Variants in FA2H observed in about 807,000 individuals in gnomAD.
FA2H encodes the protein fatty acid alpha-hydroxylase.
Under a neutral mutation model 44.9 loss-of-function variants are expected in FA2H, and 22 were observed. The observed-to-expected ratio is 0.49, with a 90% CI of 0.35 to 0.70. The LOEUF (loss-of-function observed/expected upper bound fraction) is 0.70. Among genes scored for constraint, FA2H ranks in the 30% least tolerant of loss-of-function variants. FA2H has a pLI of 0.01. For missense variants in FA2H, 501 were observed against 504.9 expected, an observed-to-expected ratio of 0.99 and a Z score of 0.07; for synonymous variants, 243 against 213.2, an observed-to-expected ratio of 1.14 and a Z score of -1.22.
chr16:74,730,618 T>C (rs981676265), intron 2 of FA2H, among the ~76,000 whole-genome samples: 2 of 152,154 alleles, frequency 1.3e-5, no homozygotes, highest in African/African-American at 4.8e-5. Context: ...AGGAACCAGC[T>C]GGTGGCCTGT....
intron 1 of FA2H, among the ~76,000 whole-genome samples, chr16:74,748,133 T>A (rs1364853925): frequency 1.3e-5 from 2 of 152,128 alleles, no homozygotes; most frequent in African/African-American, 4.8e-5. Flanking sequence ...ATAGGTCCGT[T>A]CCTAGCCCAC....
chr16:74,755,924 C>G lies in FA2H; in HGVS notation c.271-15809G>C, dbSNP rs550762647. ...GGTATAGTCTGACAACGATATGCCT[C>G]CTTACAGCCAATGCCCAAATCAAGA... On this transcript the variant is annotated intron_variant, in intron 1 of 6. Coordinates refer to ENST00000219368, the MANE Select transcript of FA2H (RefSeq NM_024306.5). 1.0e-3 allele frequency among the ~76,000 whole-genome samples: 158 copies of G among 152,320 alleles called. 1 individual carries two copies. In the Middle Eastern group the frequency reaches 0.024, roughly 23 times the overall value.
chr16:74,751,252 G>C (rs946694028), intron 1 of FA2H, among the ~76,000 whole-genome samples: 1 of 151,874 alleles, frequency 6.6e-6, no homozygotes, highest in African/African-American at 2.4e-5. Flanking sequence ...GCACCACCAT[G>C]CCTGACTAAT....
intron 1 of FA2H, among the ~76,000 whole-genome samples, chr16:74,771,854 T>G (rs539045712): frequency 6.6e-6 from 1 of 152,072 alleles, no homozygotes; most frequent in African/African-American, 2.4e-5. Flanking sequence ...TCACACCCAC[T>G]TAGGCTGTCT....
At chr16:74,752,404 C>T (rs1165268443) in intron 1 of FA2H, among the ~76,000 whole-genome samples, 1 of 152,206 alleles carries the variant, frequency 6.6e-6, no homozygotes, top group Non-Finnish European at 1.5e-5. Context: ...CCTCCTTCCA[C>T]TTCAGCCCCC....
rs991873816 is a variant in FA2H, at chr16:74,758,109, A to T, written c.270+16377T>A. On this transcript the variant is annotated intron_variant, in intron 1 of 6. Coordinates refer to ENST00000219368, the MANE Select transcript of FA2H (RefSeq NM_024306.5). ...TTATAGAGGGACTAGAGTGAGAGGG[A>T]AACAATTCTTTTTTTTTTTTTTTTT... Among the ~76,000 whole-genome samples, 87 of 146,200 alleles carry T rather than the reference A, an allele frequency of 6.0e-4. 1 individual carries two copies. Among genetic ancestry groups the T allele is most frequent in the African/African-American group, 2.2e-3 (86 of 39,060 alleles).
At chr16:74,764,677 A>T (rs1343675187) in intron 1 of FA2H, among the ~76,000 whole-genome samples, 1 of 152,014 alleles carries the variant, frequency 6.6e-6, no homozygotes, top group East Asian at 1.9e-4. Context: ...CCATGACATG[A>T]GTTTACCTAT....
At chr16:74,744,379 C>G (rs772409923) in intron 1 of FA2H, among the ~76,000 whole-genome samples, 42 of 150,762 alleles carry the variant, frequency 2.8e-4, no homozygotes, top group Non-Finnish European at 5.5e-4. Flanking sequence ...CTTTAAAAAC[C>G]AAAAAGTGCC....
At chr16:74,744,099 A>G (rs1036488719) in intron 1 of FA2H, among the ~76,000 whole-genome samples, 2 of 152,184 alleles carry the variant, frequency 1.3e-5, no homozygotes, top group African/African-American at 4.8e-5. Flanking sequence ...TGCCAGGAGC[A>G]GCTGTGCCGC....
intron 1 of FA2H, among the ~76,000 whole-genome samples, chr16:74,758,961 A>G (rs11640870): frequency 1.3e-5 from 2 of 151,842 alleles, no homozygotes; most frequent in African/African-American, 4.8e-5. Flanking sequence ...CCTACAAACT[A>G]TGCTCTCATC....
intron 1 of FA2H, among the ~76,000 whole-genome samples, chr16:74,753,769 G>A (rs930619514): frequency 3.3e-5 from 5 of 152,120 alleles, no homozygotes; most frequent in Non-Finnish European, 5.9e-5. Flanking sequence ...TATCCTTCTA[G>A]GACAATGGGT....
intron 1 of FA2H, among the ~76,000 whole-genome samples, chr16:74,761,140 A>G (rs1962700131): frequency 6.6e-6 from 1 of 152,166 alleles, no homozygotes; most frequent in Non-Finnish European, 1.5e-5. Context: ...AAAAAAGTCT[A>G]TGGAAAAATA....
intron 2 of FA2H, among the ~76,000 whole-genome samples, chr16:74,732,805 G>A (rs1399881275): frequency 6.6e-6 from 1 of 152,178 alleles, no homozygotes; most frequent in Non-Finnish European, 1.5e-5. Context: ...TAAGCTATAA[G>A]CAGGGACTTC....
intron 1 of FA2H, among the ~76,000 whole-genome samples, chr16:74,745,673 C>T (rs764178355): frequency 1.3e-5 from 2 of 152,186 alleles, no homozygotes; most frequent in Non-Finnish European, 2.9e-5. Flanking sequence ...AGGAGAGAAG[C>T]CTTTGAGACA....
At chr16:74,745,230 G>A (rs887385763) in intron 1 of FA2H, among the ~76,000 whole-genome samples, 11 of 152,290 alleles carry the variant, frequency 7.2e-5, no homozygotes, top group South Asian at 2.1e-4. Context: ...TCCTGATACC[G>A]CATTTACCTG....
At chr16:74,757,146 T>G (rs892581918) in intron 1 of FA2H, among the ~76,000 whole-genome samples, 1 of 151,910 alleles carries the variant, frequency 6.6e-6, no homozygotes, top group Non-Finnish European at 1.5e-5. Context: ...AAGGAGAGAT[T>G]ATAAATCAGT....
chr16:74,760,155 T>G (rs577797404), intron 1 of FA2H, among the ~76,000 whole-genome samples: 3 of 152,058 alleles, frequency 2.0e-5, no homozygotes, highest in Non-Finnish European at 4.4e-5. Context: ...GCTTGTCCAC[T>G]CCCCTGGACA....
At chr16:74,750,765 G>GTGTGTGTGTA (rs1373682409) in intron 1 of FA2H, among the ~76,000 whole-genome samples, 1 of 147,596 alleles carries the variant, frequency 6.8e-6, no homozygotes, top group African/African-American at 2.6e-5. Flanking sequence ...TTTTCACTGT[G>GTGTGTGTGTA]TGTGTGTGTG....
In FA2H at chr16:74,713,261, A is replaced by T. The variant is rs2144597528; in HGVS notation, c.*929T>A. ...GACCAGCTCCTTGGTCTGGGACCAG[A>T]CTAAGAACATGTATCTGGTTTATAA... On this transcript the variant is annotated 3_prime_UTR_variant, in exon 7 of 7. Coordinates refer to ENST00000219368, the MANE Select transcript of FA2H (RefSeq NM_024306.5). 1 of 152,810 alleles carries T rather than the reference A, an allele frequency of 6.5e-6. No individual in the cohort carries two copies. The highest frequency in any genetic ancestry group is 2.1e-4 in the South Asian group (1 of 4,828). 9.5% of individuals were successfully genotyped at this position (152,810 alleles called of 1,614,324 possible).
Sources: gnomAD v4.1 joint callset for allele counts (sites outside exome capture counted in the v4.1 genomes callset) on GRCh38, gnomAD v4.1.1 for gene constraint, MANE v1.5 for transcripts, NCBI Gene and HGNC (gene_info 2026-07-23, HGNC 2026-07-21) for gene names.